Variants in RGS7 observed in about 807,000 individuals in gnomAD.
RGS7 encodes the protein regulator of G protein signaling 7.
A neutral mutation model predicts 81.1 loss-of-function variants in RGS7; 27 were observed. That is an observed-to-expected ratio of 0.33 (90% CI 0.25 to 0.46). RGS7 has a LOEUF of 0.46. Among genes scored for constraint, RGS7 ranks in the 20% least tolerant of loss-of-function variants. The pLI, the probability that RGS7 is intolerant of heterozygous loss-of-function variation, is 1.00. For synonymous variants in RGS7, 208 were observed against 207.7 expected, an observed-to-expected ratio of 1.00 and a Z score of -0.01; for missense variants, 396 against 607.4, an observed-to-expected ratio of 0.65 and a Z score of 3.66.
At chr1:240,936,127 G>A (rs1676590971) in intron 5 of RGS7, among the ~76,000 whole-genome samples, 1 of 146,262 alleles carries the variant, frequency 6.8e-6, no homozygotes, top group South Asian at 2.1e-4. Flanking sequence ...GCAGTTGAGT[G>A]CACACACACA....
intron 3 of RGS7, among the ~76,000 whole-genome samples, chr1:240,985,661 C>A (rs912561163): frequency 6.6e-5 from 10 of 152,018 alleles, no homozygotes; most frequent in African/African-American, 2.4e-4. Context: ...ATCGCCCCAG[C>A]ATATTTATGG....
chr1:241,094,470 T>C lies in RGS7; in HGVS notation c.175+4196A>G, dbSNP rs1255873711. On this transcript the variant is annotated intron_variant, in intron 3 of 18. Coordinates refer to ENST00000440928, the MANE Select transcript of RGS7 (RefSeq NM_001364886.1). Reference sequence around the variant, plus strand: ...GAGAAGGCACTTCTGGAGAAGAAGGTAATGCTGTGACTGGATGCACTCAAG... The same window carrying C: ...GAGAAGGCACTTCTGGAGAAGAAGGCAATGCTGTGACTGGATGCACTCAAG... Among the ~76,000 whole-genome samples, 4 of 152,252 alleles carry C rather than the reference T, an allele frequency of 2.6e-5. No individual in the cohort carries two copies. The East Asian group carries it at 7.8e-4, about 30-fold the overall frequency.
intron 9 of RGS7, among the ~76,000 whole-genome samples, chr1:240,860,604 T>C (rs907846934): frequency 6.6e-6 from 1 of 152,104 alleles, no homozygotes; most frequent in African/African-American, 2.4e-5. Context: ...CACGCTTGCT[T>C]CGCCAGGCTA....
chr1:240,863,117 G>T (rs750152837), intron 9 of RGS7, among the ~76,000 whole-genome samples: 23 of 152,116 alleles, frequency 1.5e-4, no homozygotes, highest in Non-Finnish European at 2.9e-4. Context: ...ATCATACCTG[G>T]CTAATGTTTT....
chr1:241,302,988 C>CA (rs2079864586), intron 2 of RGS7, among the ~76,000 whole-genome samples: 1 of 146,514 alleles, frequency 6.8e-6, no homozygotes, highest in Non-Finnish European at 1.6e-5. Context: ...TCTTCCCACT[C>CA]ACGGACCCAT....
chr1:241,238,225 AT>A (rs1388810060), intron 2 of RGS7, among the ~76,000 whole-genome samples: 1 of 152,172 alleles, frequency 6.6e-6, no homozygotes, highest in Non-Finnish European at 1.5e-5. Context: ...TATACTGGGC[AT>A]GTGTGTGTGT....
chr1:240,981,602 T>G (rs535720516), intron 4 of RGS7, among the ~76,000 whole-genome samples: 11 of 152,344 alleles, frequency 7.2e-5, no homozygotes, highest in African/African-American at 2.4e-4. Context: ...AATGTGAACT[T>G]GGTAAGACTG....
At chr1:241,085,281 G>A (rs2063364372) in intron 3 of RGS7, among the ~76,000 whole-genome samples, 1 of 152,206 alleles carries the variant, frequency 6.6e-6, no homozygotes, top group Non-Finnish European at 1.5e-5. Context: ...TGCTGGTTAA[G>A]TATGTTTCAT....
intron 6 of RGS7, among the ~76,000 whole-genome samples, chr1:240,918,933 G>C (rs917181903): frequency 9.2e-5 from 14 of 151,690 alleles, no homozygotes; most frequent in African/African-American, 3.1e-4. Flanking sequence ...AATAGTAAAA[G>C]AATATTATGA....
In RGS7 at chr1:240,868,674, A is replaced by G; in HGVS notation, c.528-6T>C. ...TGTCTCTCTTCTTGTCCACTCTGTCAACACAGTAACAATAGATAACATTTA... is the reference window on the plus strand; with the variant it reads ...TGTCTCTCTTCTTGTCCACTCTGTCGACACAGTAACAATAGATAACATTTA... On this transcript the variant is annotated splice_polypyrimidine_tract_variant and splice_region_variant and intron_variant, in intron 8 of 18. Transcript: ENST00000440928. The surrounding 1 kb of genome is among the most constrained non-coding windows in gnomAD (Gnocchi z 5.1). 6.2e-7 allele frequency: 1 copy of G among 1,613,882 alleles called. No individual in the cohort carries two copies.
At chr1:241,103,596 G>C (rs1026622112) in intron 2 of RGS7, among the ~76,000 whole-genome samples, 1 of 152,156 alleles carries the variant, frequency 6.6e-6, no homozygotes, top group African/African-American at 2.4e-5. Flanking sequence ...ACCAGGCCAG[G>C]CTCGGTGGCT....
intron 6 of RGS7, among the ~76,000 whole-genome samples, chr1:240,881,931 T>TG (rs1666466667): frequency 6.6e-6 from 1 of 151,836 alleles, no homozygotes; most frequent in South Asian, 2.1e-4. Context: ...TTTTTTTTTT[T>TG]TGAGAGAGAG....
chr1:241,048,430 C>T (rs769443881), intron 3 of RGS7, among the ~76,000 whole-genome samples: 7 of 152,124 alleles, frequency 4.6e-5, no homozygotes, highest in Non-Finnish European at 1.0e-4. Flanking sequence ...TTAGTAGAAG[C>T]CAGCATAAAT....
chr1:241,296,783 T>G (rs1031505260), intron 2 of RGS7, among the ~76,000 whole-genome samples: 6 of 152,372 alleles, frequency 3.9e-5, no homozygotes, highest in Middle Eastern at 6.8e-3. Flanking sequence ...CTGCAAGCAC[T>G]GTCTGATTTG....
At chr1:241,131,181 T>G (rs755884317) in intron 2 of RGS7, among the ~76,000 whole-genome samples, 1 of 152,198 alleles carries the variant, frequency 6.6e-6, no homozygotes, top group Non-Finnish European at 1.5e-5. Flanking sequence ...GTGTCATGCA[T>G]GAGTCATATT....
intron 2 of RGS7, among the ~76,000 whole-genome samples, chr1:241,141,425 T>C (rs936272620): frequency 3.3e-5 from 5 of 152,332 alleles, no homozygotes; most frequent in African/African-American, 1.2e-4. Context: ...CACACTGCTA[T>C]GAAGAAACCC....
chr1:240,976,481 T>A (rs1013738438), intron 4 of RGS7, among the ~76,000 whole-genome samples: 2 of 152,180 alleles, frequency 1.3e-5, no homozygotes, highest in Non-Finnish European at 2.9e-5. Context: ...TATTTTTGGA[T>A]GAGATTAATA....
At chr1:241,120,837 C>G (rs2066202589) in intron 2 of RGS7, among the ~76,000 whole-genome samples, 1 of 151,780 alleles carries the variant, frequency 6.6e-6, no homozygotes, top group Non-Finnish European at 1.5e-5. Flanking sequence ...AGTTTGGTGT[C>G]CACAGTTTAA....
intron 3 of RGS7, among the ~76,000 whole-genome samples, chr1:241,063,587 C>CATTTAAA (rs2061862192): frequency 6.6e-6 from 1 of 152,132 alleles, no homozygotes; most frequent in Non-Finnish European, 1.5e-5. Context: ...ATTTGTGGGC[C>CATTTAAA]ATTTAAAATT....
Sources: gnomAD v4.1 joint callset for allele counts (sites outside exome capture counted in the v4.1 genomes callset) on GRCh38, gnomAD v4.1.1 for gene constraint, Gnocchi (gnomAD v3.1) non-coding constraint, MANE v1.5 for transcripts, NCBI Gene and HGNC (gene_info 2026-07-23, HGNC 2026-07-21) for gene names.